PACS1: variants seen among roughly 807,000 people sequenced by gnomAD.
PACS1 encodes the protein phosphofurin acidic cluster sorting protein 1, also known as PACS-1.
PACS1 carries 24 observed loss-of-function variants against 115.0 expected under a neutral mutation model. That is an observed-to-expected ratio of 0.21 (90% CI 0.15 to 0.29). The LOEUF (loss-of-function observed/expected upper bound fraction) is 0.29, where lower values mean the gene tolerates loss of function less well. Ranked by LOEUF, PACS1 falls within the 10% of genes least tolerant of loss-of-function variation. PACS1 has a pLI of 1.00. For missense variants in PACS1, 838 were observed against 1,251.2 expected (o/e 0.67, Z 4.98); for synonymous variants, 453 against 504.5 (o/e 0.90, Z 1.37).
intron 1 of PACS1, among the ~76,000 whole-genome samples, chr11:66,151,317 A>C (rs1859232545): frequency 6.6e-6 from 1 of 152,034 alleles, no homozygotes; most frequent in Non-Finnish European, 1.5e-5. Context: ...GAAGCAGTGG[A>C]AAGCTGAAGC....
At chr11:66,230,739 C>CG in intron 12 of PACS1, 66 bp from the exon 13 acceptor site, 1 of 1,612,354 alleles carries the variant, frequency 6.2e-7, no homozygotes, top group Non-Finnish European at 8.5e-7. Context: ...TGAGGGAAAG[C>CG]GGGGCTGGCA....
Position 66,137,698 on chromosome 11 carries a change from A to G in PACS1, c.357-55788A>G, listed in dbSNP as rs117478950. On this transcript the variant is annotated intron_variant, in intron 1 of 23. Transcript: ENST00000320580. ...CCAAGGGGTGACAATAATATTGGCC[A>G]TTGTAGGGCTGTCCTTTGGACTCCA... Among the ~76,000 whole-genome samples the G allele has an allele frequency of 2.8e-3, 427 of 152,272 alleles. 1 individual carries two copies. The highest frequency in any genetic ancestry group is 4.7e-3 in the Non-Finnish European group (322 of 68,024).
intron 1 of PACS1, among the ~76,000 whole-genome samples, chr11:66,144,150 C>G (rs1859065529): frequency 6.6e-6 from 1 of 152,100 alleles, no homozygotes; most frequent in Non-Finnish European, 1.5e-5. Context: ...TCCTGTTTGC[C>G]TCTTACTGAT....
At chr11:66,206,420 TGAG>T (rs1347407128) in intron 2 of PACS1, among the ~76,000 whole-genome samples, 3 of 152,052 alleles carry the variant, frequency 2.0e-5, no homozygotes, top group Non-Finnish European at 4.4e-5. Flanking sequence ...GTAGTAAAGA[TGAG>T]GACAGTAGTG....
rs767677824 is a variant in PACS1, at chr11:66,233,116, T to C, written c.1838+50T>C. The C allele has an allele frequency of 6.6e-6, 9 of 1,354,590 alleles. No homozygotes were observed. The highest frequency in any genetic ancestry group is 2.9e-5 in the African/African-American group (2 of 70,040). The allele number at this position is 1,354,590 out of a possible 1,614,324, so 83.9% of individuals were successfully genotyped here. A position where few individuals can be genotyped will look rare whatever the true frequency, so the allele number is the denominator to read the frequency against. The stretch of plus-strand genomic sequence containing the variant: ...CTGCCCTTAGAGATTCCCTCTGACC[T>C]CATCTTCCAACCCTGACTTCTAAGC... On this transcript the variant is annotated intron_variant, in intron 15 of 23. Coordinates refer to ENST00000320580, the MANE Select transcript of PACS1 (RefSeq NM_018026.4). The surrounding 1 kb of genome is among the most constrained non-coding windows in gnomAD (Gnocchi z 4.5).
chr11:66,074,363 G>C (rs542376106), intron 1 of PACS1, among the ~76,000 whole-genome samples: 1 of 152,180 alleles, frequency 6.6e-6, no homozygotes, highest in South Asian at 2.1e-4. Flanking sequence ...GTGGTGCAGG[G>C]TTATGGGGAC....
At chr11:66,137,025 C>A (rs924437855) in intron 1 of PACS1, among the ~76,000 whole-genome samples, 2 of 145,358 alleles carry the variant, frequency 1.4e-5, no homozygotes, top group Non-Finnish European at 3.0e-5. Context: ...ACAAATTGCC[C>A]CCCCCCCCAC....
At chr11:66,159,252 A>G (rs1185995773) in intron 1 of PACS1, among the ~76,000 whole-genome samples, 1 of 152,186 alleles carries the variant, frequency 6.6e-6, no homozygotes, top group Non-Finnish European at 1.5e-5. Flanking sequence ...AGCCTGACCA[A>G]CATGGGGAAA....
intron 1 of PACS1, among the ~76,000 whole-genome samples, chr11:66,117,945 T>C (rs935175204): frequency 7.9e-5 from 12 of 152,350 alleles, no homozygotes; most frequent in Admixed American, 7.8e-4. Context: ...TATCTGGTAA[T>C]TGTGGCTTTA....
At chr11:66,180,967 C>G (rs1233954043) in intron 1 of PACS1, among the ~76,000 whole-genome samples, 2 of 152,144 alleles carry the variant, frequency 1.3e-5, no homozygotes, top group Admixed American at 1.3e-4. Flanking sequence ...CCCTTTCAAC[C>G]ATTATCCCTT....
intron 1 of PACS1, among the ~76,000 whole-genome samples, chr11:66,086,854 T>C (rs1857578968): frequency 6.6e-6 from 1 of 152,086 alleles, no homozygotes; most frequent in Non-Finnish European, 1.5e-5. Context: ...TGACTTCAAG[T>C]GATCCACCCA....
At chr11:66,076,553 C>G (rs1009836478) in intron 1 of PACS1, among the ~76,000 whole-genome samples, 1 of 152,188 alleles carries the variant, frequency 6.6e-6, no homozygotes, top group African/African-American at 2.4e-5. Context: ...CCACCACACC[C>G]AGCACATTTT....
intron 1 of PACS1, among the ~76,000 whole-genome samples, chr11:66,096,586 C>G (rs1222442733): frequency 6.6e-6 from 1 of 151,372 alleles, no homozygotes; most frequent in African/African-American, 2.4e-5. Flanking sequence ...TCACTGCAAC[C>G]TCTGCCTCCC....
intron 1 of PACS1, among the ~76,000 whole-genome samples, chr11:66,130,415 A>AAGGG (rs1293971017): frequency 6.6e-6 from 1 of 151,974 alleles, no homozygotes; most frequent in African/African-American, 2.4e-5. Context: ...TTATTTTTAC[A>AAGGG]ATACCATTAT....
Position 66,243,359 on chromosome 11 carries a change from C to G in PACS1, c.*79C>G. On this transcript the variant is annotated 3_prime_UTR_variant, in exon 24 of 24. Transcript: ENST00000320580. ...TGCGGGCAGGGGGAGGCCAGCAGGC[C>G]CGGGCCCAGCACCCCTTCCCTGGCA... The G allele has an allele frequency of 1.1e-6, 1 of 936,836 alleles. No homozygotes were observed. The highest frequency in any genetic ancestry group is 2.6e-5 in the East Asian group (1 of 38,034). 58.0% of individuals were successfully genotyped at this position (936,836 alleles called of 1,614,324 possible).
In PACS1 at chr11:66,209,670, G is replaced by A. The variant is rs555752734; in HGVS notation, c.445-692G>A. Among the ~76,000 whole-genome samples the A allele has an allele frequency of 9.5e-3, 1,443 of 152,216 alleles. 8 individuals are homozygous for A. Among genetic ancestry groups the A allele is most frequent in the Non-Finnish European group, 0.016 (1,076 of 68,024 alleles). ...CACACCTGTAATCCCAGCACTTTGG[G>A]AGGCTGAAGCAAGCTGATCATCTGA... On this transcript the variant is annotated intron_variant, in intron 2 of 23. Transcript: ENST00000320580.
At chr11:66,120,977 C>G in intron 1 of PACS1, 1 of 456,230 alleles carries the variant, frequency 2.2e-6, no homozygotes, top group Middle Eastern at 3.3e-4. Context: ...TGTGCGGGCC[C>G]TACCTCCTCC....
At chr11:66,181,985 A>T (rs1336358713) in intron 1 of PACS1, among the ~76,000 whole-genome samples, 1 of 152,204 alleles carries the variant, frequency 6.6e-6, no homozygotes, top group African/African-American at 2.4e-5. Flanking sequence ...GGAACTTTTC[A>T]CATTTGCTAG....
chr11:66,164,416 T>C (rs1412326206), intron 1 of PACS1, among the ~76,000 whole-genome samples: 1 of 151,284 alleles, frequency 6.6e-6, no homozygotes, highest in Non-Finnish European at 1.5e-5. Flanking sequence ...TGTATGTAGT[T>C]CTAGAGTGAC....
Sources: gnomAD v4.1 joint callset for allele counts (sites outside exome capture counted in the v4.1 genomes callset) on GRCh38, gnomAD v4.1.1 for gene constraint, Gnocchi (gnomAD v3.1) non-coding constraint, MANE v1.5 for transcripts, NCBI Gene and HGNC (gene_info 2026-07-23, HGNC 2026-07-21) for gene names.